RPS6KC1: variants seen among roughly 807,000 people sequenced by gnomAD.
RPS6KC1 encodes the protein inactive ribosomal protein S6 kinase delta-1.
A neutral mutation model predicts 103.8 loss-of-function variants in RPS6KC1; 54 were observed. The ratio of observed to expected loss-of-function variants is 0.52; its 90% CI spans 0.42 to 0.65. RPS6KC1 has a LOEUF of 0.65. RPS6KC1 is among the 30% of genes least tolerant of loss of function. The pLI, the probability that RPS6KC1 is intolerant of heterozygous loss-of-function variation, is 0.00. For synonymous variants in RPS6KC1, 439 were observed against 438.7 expected (o/e 1.00, Z -0.01); for missense variants, 1,151 against 1,253.8 (o/e 0.92, Z 1.24).
At chr1:213,080,643 C>T (rs190164736) in intron 3 of RPS6KC1, among the ~76,000 whole-genome samples, 3 of 152,304 alleles carry the variant, frequency 2.0e-5, no homozygotes, top group East Asian at 3.9e-4. Context: ...TGCAGTCCCA[C>T]AGCCTCCATC....
At chr1:213,116,899 G>A (rs899385641) in intron 4 of RPS6KC1, among the ~76,000 whole-genome samples, 21 of 152,174 alleles carry the variant, frequency 1.4e-4, no homozygotes, top group Non-Finnish European at 2.4e-4. Context: ...CTTCTGGCTT[G>A]TAGAGTTTCT....
chr1:213,304,539 CTTT>C, the RPS6KC1 span, among the ~76,000 whole-genome samples: 2 of 143,318 alleles, frequency 1.4e-5, no homozygotes, highest in Non-Finnish European at 1.5e-5. Context: ...AATTTTGCAT[CTTT>C]TTTTTTTTTT....
the RPS6KC1 span, among the ~76,000 whole-genome samples, chr1:213,757,919 T>C: frequency 2.0e-5 from 3 of 152,196 alleles, no homozygotes; most frequent in African/African-American, 7.2e-5. Flanking sequence ...GCTCTATCAA[T>C]GGAGCTACAG....
At chr1:213,428,684 T>C in the RPS6KC1 span, 1 of 145,790 alleles carries the variant, frequency 6.9e-6, no homozygotes, top group South Asian at 2.4e-4. Context: ...ATAACTTTAC[T>C]TGACAATCAG....
chr1:213,690,444 G>C, the RPS6KC1 span, among the ~76,000 whole-genome samples: 1 of 152,078 alleles, frequency 6.6e-6, no homozygotes, highest in Non-Finnish European at 1.5e-5. Flanking sequence ...CATTTCATTC[G>C]GTAGTTACCA....
At chr1:213,696,093 T>C in the RPS6KC1 span, among the ~76,000 whole-genome samples, 4 of 152,224 alleles carry the variant, frequency 2.6e-5, no homozygotes, top group Non-Finnish European at 5.9e-5. Flanking sequence ...TCAATTTTTC[T>C]GCCACTCAGA....
chr1:213,719,703 A>G, the RPS6KC1 span, among the ~76,000 whole-genome samples: 9 of 152,182 alleles, frequency 5.9e-5, no homozygotes, highest in Non-Finnish European at 8.8e-5. Context: ...ACCTACTGCC[A>G]GTGATCCCCA....
the RPS6KC1 span, among the ~76,000 whole-genome samples, chr1:213,696,157 G>T: frequency 6.6e-6 from 1 of 152,156 alleles, no homozygotes; most frequent in Non-Finnish European, 1.5e-5. Context: ...AGTATGAGGA[G>T]TGGATTTTGA....
At chr1:213,057,873 C>A (rs1319048198) in intron 1 of RPS6KC1, among the ~76,000 whole-genome samples, 2 of 147,724 alleles carry the variant, frequency 1.4e-5, no homozygotes, top group Non-Finnish European at 3.0e-5. Context: ...AAGCAATTCT[C>A]CCACCTCTCA....
chr1:213,264,108 TATC>T, intron 14 of RPS6KC1, among the ~76,000 whole-genome samples: 1 of 152,308 alleles, frequency 6.6e-6, no homozygotes, highest in East Asian at 1.9e-4. Context: ...TATGGGGTTC[TATC>T]ATCACAAACA....
At chr1:213,223,905 A>G (rs2148807353) in intron 8 of RPS6KC1, among the ~76,000 whole-genome samples, 1 of 152,330 alleles carries the variant, frequency 6.6e-6, no homozygotes, top group South Asian at 2.1e-4. Flanking sequence ...ACAGTCCCTG[A>G]AATTACCCAA....
chr1:213,374,818 G>A, the RPS6KC1 span, among the ~76,000 whole-genome samples: 2 of 152,230 alleles, frequency 1.3e-5, no homozygotes, highest in Non-Finnish European at 2.9e-5. Flanking sequence ...AGAAAGGGAA[G>A]GGCCTGCAAC....
At chr1:213,179,174 G>A (rs2092092801) in intron 8 of RPS6KC1, among the ~76,000 whole-genome samples, 1 of 152,094 alleles carries the variant, frequency 6.6e-6, no homozygotes, top group Non-Finnish European at 1.5e-5. Flanking sequence ...CAGCACTTTG[G>A]GAGGCCGAGG....
intron 3 of RPS6KC1, among the ~76,000 whole-genome samples, chr1:213,087,108 C>CT (rs199775303): frequency 0.017 from 2,574 of 150,674 alleles, 80 homozygotes; most frequent in African/African-American, 0.055. Flanking sequence ...TTCACTTTAC[C>CT]TTTTTTTTTA....
Position 213,273,412 on chromosome 1 carries a change from C to T in RPS6KC1, c.*778C>T, listed in dbSNP as rs1188042854. ...AAAAAGGGAAGGGAGTGCTTATTTC[C>T]CTTTGTGTAAGGACTAAGAAATCAT... On this transcript the variant is annotated 3_prime_UTR_variant, in exon 15 of 15. Transcript: ENST00000366960. 6.6e-6 allele frequency: 1 copy of T among 152,570 alleles called. No individual in the cohort carries two copies. Among genetic ancestry groups the T allele is most frequent in the Non-Finnish European group, 1.5e-5 (1 of 68,030 alleles). 9.5% of individuals were successfully genotyped at this position (152,570 alleles called of 1,614,324 possible).
the RPS6KC1 span, among the ~76,000 whole-genome samples, chr1:213,609,133 A>T: frequency 6.6e-6 from 1 of 152,210 alleles, no homozygotes; most frequent in Non-Finnish European, 1.5e-5. Context: ...CATTCCTAAC[A>T]TTGTCATGAT....
At chr1:213,254,161 AT>A in intron 12 of RPS6KC1, among the ~76,000 whole-genome samples, 1 of 82,908 alleles carries the variant, frequency 1.2e-5, no homozygotes, top group Non-Finnish European at 3.0e-5. Flanking sequence ...CTTGTGAAAT[AT>A]CATAGTTTGA....
chr1:213,479,293 C>A, the RPS6KC1 span, among the ~76,000 whole-genome samples: 1 of 152,022 alleles, frequency 6.6e-6, no homozygotes, highest in Non-Finnish European at 1.5e-5. Flanking sequence ...TCTAGCTGCA[C>A]TAGATATTAC....
the RPS6KC1 span, among the ~76,000 whole-genome samples, chr1:213,414,690 C>T: frequency 3.1e-3 from 464 of 151,926 alleles, 1 homozygote; most frequent in African/African-American, 0.011. Flanking sequence ...GGTTTGAGGT[C>T]ATTTGTTATG....
Sources: gnomAD v4.1 joint callset for allele counts (sites outside exome capture counted in the v4.1 genomes callset) on GRCh38, gnomAD v4.1.1 for gene constraint, MANE v1.5 for transcripts, NCBI Gene and HGNC (gene_info 2026-07-23, HGNC 2026-07-21) for gene names.